The following TDRD1 variants were observed in gnomAD, a reference collection of about 807,000 sequenced individuals.
TDRD1 encodes tudor domain-containing protein 1.
In TDRD1, 37 loss-of-function variants were observed where a neutral mutation model predicts 140.6. The ratio of observed to expected loss-of-function variants is 0.26; its 90% CI spans 0.20 to 0.35. The LOEUF (loss-of-function observed/expected upper bound fraction) is 0.35, where lower values mean the gene tolerates loss of function less well. Among genes scored for constraint, TDRD1 ranks in the 10% least tolerant of loss-of-function variants. The probability of loss-of-function intolerance (pLI) is 1.00; values close to 1 mark genes in which losing one functional copy is unlikely to be tolerated. For synonymous variants in TDRD1, 506 were observed against 475.7 expected (o/e 1.06, Z -0.83); for missense variants, 1,243 against 1,393.0 (o/e 0.89, Z 1.71).
At chr10:114,183,732 G>A (rs564501412) in intron 1 of TDRD1, among the ~76,000 whole-genome samples, 90 of 128,920 alleles carry the variant, frequency 7.0e-4, no homozygotes, top group African/African-American at 2.0e-3. Context: ...AGACAGTCTC[G>A]CTTCGTTGCC....
chr10:114,189,747 G>T (rs187379928), intron 2 of TDRD1, among the ~76,000 whole-genome samples: 29 of 152,202 alleles, frequency 1.9e-4, no homozygotes, highest in African/African-American at 5.8e-4. Flanking sequence ...ATGAACCACC[G>T]CACCAGGCCC....
intron 3 of TDRD1, among the ~76,000 whole-genome samples, chr10:114,198,695 T>C (rs2034532546): frequency 6.6e-6 from 1 of 152,178 alleles, no homozygotes; most frequent in African/African-American, 2.4e-5. Flanking sequence ...CAGGCTGGAG[T>C]GCAGTGGCTG....
intron 24 of TDRD1, 22 bp from the exon 25 acceptor site, chr10:114,228,016 A>G (rs375842894): frequency 4.3e-6 from 7 of 1,610,322 alleles, no homozygotes; most frequent in African/African-American, 2.7e-5. Flanking sequence ...ATTAAATCAT[A>G]TGGTTTCTTT....
At chr10:114,219,277 T>C (rs2035996834) in intron 18 of TDRD1, among the ~76,000 whole-genome samples, 1 of 152,224 alleles carries the variant, frequency 6.6e-6, no homozygotes, top group African/African-American at 2.4e-5. Flanking sequence ...TTAAACTTTC[T>C]GTGCTTCTGT....
rs368615394 is a variant in TDRD1, at chr10:114,187,965, G to A, written c.134G>A (p.Gly45Glu). ...CCACATGAGTCTTTAAGAAGTCCTG[G>A]AACACTTCCTAACCACCCTAATTTC... Residue 45 changes from glycine to glutamate, a missense_variant, in exon 2 of 26, where the codon GGA becomes GAA. Physicochemically the swap from Gly to Glu is moderately conservative, Grantham distance 98. Around this residue, in one of 5 missense-constraint regions of TDRD1, gnomAD observed 237 missense variants for 215.5 expected, o/e 1.10. Transcript: ENST00000251864. 5.9e-5 allele frequency: 95 copies of A among 1,614,020 alleles called. No individual in the cohort carries two copies. The highest frequency in any genetic ancestry group is 7.5e-5 in the Non-Finnish European group (88 of 1,180,030).
chr10:114,188,543 C>A (rs1329357114), intron 2 of TDRD1, among the ~76,000 whole-genome samples: 1 of 152,130 alleles, frequency 6.6e-6, no homozygotes, highest in Admixed American at 6.5e-5. Flanking sequence ...TTTATTTTAT[C>A]ATTCCTTTAG....
chr10:114,227,966 A>G lies in TDRD1; in HGVS notation c.3450+10A>G, dbSNP rs372462900. On this transcript the variant is annotated intron_variant, in intron 24 of 25. Coordinates refer to ENST00000251864, the Ensembl canonical transcript of TDRD1. Reference sequence around the variant, plus strand: ...AGAGTTACAGAAACAAGTAGGTAAAATTTCCTTTAAGTGAAATTATACTCC... The same window carrying G: ...AGAGTTACAGAAACAAGTAGGTAAAGTTTCCTTTAAGTGAAATTATACTCC... 1.1e-4 allele frequency: 178 copies of G among 1,613,570 alleles called. No homozygotes were observed. In the African/African-American group the frequency reaches 2.0e-3, roughly 18 times the overall value.
chr10:114,182,823 T>C (rs2033193605), intron 1 of TDRD1, among the ~76,000 whole-genome samples: 1 of 152,052 alleles, frequency 6.6e-6, no homozygotes, highest in Non-Finnish European at 1.5e-5. Flanking sequence ...TAGCTGGGAC[T>C]ACAGGCACCC....
intron 21 of TDRD1, among the ~76,000 whole-genome samples, chr10:114,224,816 C>G (rs2036341571): frequency 6.6e-6 from 1 of 152,102 alleles, no homozygotes; most frequent in African/African-American, 2.4e-5. Context: ...CCTTGGTTTC[C>G]CTAAGGTCCT....
chr10:114,178,995 G>A (rs530243931), upstream of TDRD1, among the ~76,000 whole-genome samples: 23 of 152,178 alleles, frequency 1.5e-4, no homozygotes, highest in Admixed American at 4.6e-4. Context: ...TCCAAGACCA[G>A]GCAGAGGCTG....
At chr10:114,208,525 A>T (rs1015627977) in intron 11 of TDRD1, among the ~76,000 whole-genome samples, 4 of 152,144 alleles carry the variant, frequency 2.6e-5, no homozygotes, top group African/African-American at 9.7e-5. Context: ...CGAGCTAGCG[A>T]CATCACCATG....
intron 20 of TDRD1, among the ~76,000 whole-genome samples, chr10:114,222,067 TTTG>T (rs1466545041): frequency 6.6e-6 from 1 of 152,188 alleles, no homozygotes; most frequent in African/African-American, 2.4e-5. Flanking sequence ...AAATGAAACT[TTTG>T]TTTCAAATTT....
chr10:114,175,015 A>G (rs928166688), upstream of TDRD1, among the ~76,000 whole-genome samples: 2 of 152,240 alleles, frequency 1.3e-5, no homozygotes, highest in Admixed American at 1.3e-4. Flanking sequence ...CGATTCTGCA[A>G]TGTAAGAATT....
chr10:114,199,909 T>C (rs1169269719), intron 4 of TDRD1, among the ~76,000 whole-genome samples: 1 of 152,260 alleles, frequency 6.6e-6, no homozygotes, highest in Non-Finnish European at 1.5e-5. Flanking sequence ...TAGAGCTCTC[T>C]AAACATTTCT....
At chr10:114,225,157 G>T (rs2036362173) in intron 21 of TDRD1, among the ~76,000 whole-genome samples, 1 of 152,182 alleles carries the variant, frequency 6.6e-6, no homozygotes, top group Admixed American at 6.5e-5. Flanking sequence ...ATTCTCTCAG[G>T]AGAGGAAACC....
intron 23 of TDRD1, 87 bp from the exon 24 acceptor site, chr10:114,227,823 G>C: frequency 1.9e-6 from 2 of 1,030,188 alleles, no homozygotes; most frequent in Admixed American, 3.7e-5. Context: ...GCGCAAGGGG[G>C]AGAGCTATCT....
At chr10:114,187,342 C>G (rs140316969) in intron 1 of TDRD1, among the ~76,000 whole-genome samples, 6 of 152,072 alleles carry the variant, frequency 3.9e-5, no homozygotes, top group Admixed American at 3.3e-4. Context: ...GCAGTGAGTG[C>G]GAGGGCATTC....
intron 5 of TDRD1, 149 bp from the exon 6 acceptor site, chr10:114,202,089 G>A (rs2034782873): frequency 1.0e-5 from 6 of 601,934 alleles, no homozygotes; most frequent in Non-Finnish European, 1.7e-5. Flanking sequence ...AGCCAGCACT[G>A]GGGAGTTTTA....
At chr10:114,196,666 C>A (rs531247521) in intron 3 of TDRD1, among the ~76,000 whole-genome samples, 2 of 151,790 alleles carry the variant, frequency 1.3e-5, no homozygotes, top group South Asian at 2.1e-4. Context: ...AAAAATTTCC[C>A]CCCCCATACA....
Sources: allele counts gnomAD v4.1 joint callset (sites outside exome capture counted in the v4.1 genomes callset), GRCh38; gene constraint gnomAD v4.1.1; regional missense constraint gnomAD v4.1.1; transcripts MANE v1.5; gene names NCBI Gene and HGNC (gene_info 2026-07-23, HGNC 2026-07-21).